The following CNTN5 variants were observed in gnomAD, a reference collection of about 807,000 sequenced individuals.
CNTN5 encodes the protein contactin-5.
A neutral mutation model predicts 129.1 loss-of-function variants in CNTN5; 77 were observed. The ratio of observed to expected loss-of-function variants is 0.60; its 90% CI spans 0.50 to 0.72. The LOEUF (loss-of-function observed/expected upper bound fraction) is 0.72. Among genes scored for constraint, CNTN5 ranks in the 30% least tolerant of loss-of-function variants. CNTN5 has a pLI of 0.00. For synonymous variants in CNTN5, 509 were observed against 465.6 expected, an observed-to-expected ratio of 1.09 and a Z score of -1.20; for missense variants, 1,478 against 1,328.8, an observed-to-expected ratio of 1.11 and a Z score of -1.75.
At chr11:100,266,919 T>C (rs1258669083) in intron 17 of CNTN5, among the ~76,000 whole-genome samples, 1 of 152,142 alleles carries the variant, frequency 6.6e-6, no homozygotes, top group Non-Finnish European at 1.5e-5. Context: ...TCTAGGCACA[T>C]GCAGTGTATC....
intron 2 of CNTN5, among the ~76,000 whole-genome samples, chr11:99,526,260 C>A (rs1947480935): frequency 6.6e-6 from 1 of 152,088 alleles, no homozygotes; most frequent in Admixed American, 6.5e-5. Flanking sequence ...TTAAATGCTT[C>A]AAAATAGAGC....
intron 17 of CNTN5, among the ~76,000 whole-genome samples, chr11:100,257,277 C>G (rs909932348): frequency 2.6e-5 from 4 of 152,290 alleles, no homozygotes; most frequent in African/African-American, 9.6e-5. Context: ...AGAAAGACAA[C>G]AGCCCCAGTC....
intron 3 of CNTN5, among the ~76,000 whole-genome samples, chr11:99,798,896 G>T (rs1201203972): frequency 6.6e-6 from 1 of 152,138 alleles, no homozygotes; most frequent in East Asian, 1.9e-4. Flanking sequence ...CGATTAATGA[G>T]CATGGAATGT....
At chr11:99,468,213 T>C (rs1945020592) in intron 2 of CNTN5, among the ~76,000 whole-genome samples, 1 of 152,186 alleles carries the variant, frequency 6.6e-6, no homozygotes, top group Non-Finnish European at 1.5e-5. Flanking sequence ...TGCACAGCTA[T>C]TAATTCCCTT....
At chr11:99,510,082 A>G (rs905111953) in intron 2 of CNTN5, among the ~76,000 whole-genome samples, 1 of 151,910 alleles carries the variant, frequency 6.6e-6, no homozygotes, top group Non-Finnish European at 1.5e-5. Context: ...CAGATTACTT[A>G]AAACAGTGCT....
chr11:99,495,397 T>G (rs1362457328), intron 2 of CNTN5, among the ~76,000 whole-genome samples: 1 of 152,024 alleles, frequency 6.6e-6, no homozygotes, highest in Admixed American at 6.6e-5. Context: ...AATCATCCCT[T>G]CATATATTGC....
At chr11:99,309,354 T>C (rs1865009720) in intron 1 of CNTN5, among the ~76,000 whole-genome samples, 1 of 152,214 alleles carries the variant, frequency 6.6e-6, no homozygotes, top group Non-Finnish European at 1.5e-5. Context: ...AGAGTCCCAC[T>C]GTTAGCTTTG....
chr11:100,338,405 T>C (rs1952080871), intron 21 of CNTN5, among the ~76,000 whole-genome samples: 1 of 152,182 alleles, frequency 6.6e-6, no homozygotes. Flanking sequence ...TTAGCACCCT[T>C]AGCTGAAAGA....
chr11:99,964,754 C>G lies in CNTN5; in HGVS notation c.877+7745C>G, dbSNP rs186391397. 2.9e-4 allele frequency among the ~76,000 whole-genome samples: 44 copies of G among 152,198 alleles called. No homozygotes were observed. The East Asian group carries it at 6.6e-3, about 23-fold the overall frequency. On this transcript the variant is annotated intron_variant, in intron 8 of 24. Coordinates refer to ENST00000524871, the MANE Select transcript of CNTN5 (RefSeq NM_014361.4). ...GCATGGTACCAGCTCCTTCTTGTAC[C>G]TCTGGTAGAATTCAGCTGTGAATCC...
chr11:99,150,030 T>TA (rs552451639), intron 1 of CNTN5, among the ~76,000 whole-genome samples: 2 of 151,758 alleles, frequency 1.3e-5, no homozygotes, highest in Non-Finnish European at 2.9e-5. Context: ...AATGAACAAA[T>TA]AAAAAAAAGA....
At chr11:100,281,837 T>C (rs1322448629) in intron 18 of CNTN5, among the ~76,000 whole-genome samples, 1 of 152,174 alleles carries the variant, frequency 6.6e-6, no homozygotes, top group Non-Finnish European at 1.5e-5. Flanking sequence ...TTACTAATTC[T>C]TTCTTCTGCT....
chr11:100,085,352 A>ATATATTCC (rs1944508608), intron 13 of CNTN5, among the ~76,000 whole-genome samples: 1 of 152,100 alleles, frequency 6.6e-6, no homozygotes, highest in Admixed American at 6.6e-5. Flanking sequence ...AATCAGCACA[A>ATATATTCC]CAAAACTTCA....
chr11:99,174,437 G>A (rs1486353281), intron 1 of CNTN5, among the ~76,000 whole-genome samples: 4 of 152,178 alleles, frequency 2.6e-5, no homozygotes, highest in African/African-American at 4.8e-5. Context: ...CATGGTACCC[G>A]TGATTTCCAA....
intron 2 of CNTN5, among the ~76,000 whole-genome samples, chr11:99,439,775 T>A: frequency 6.6e-6 from 1 of 150,412 alleles, no homozygotes; most frequent in African/African-American, 2.4e-5. Flanking sequence ...TCTAGATATA[T>A]ATTTATAAGT....
At chr11:100,287,281 G>T (rs376518334) in intron 18 of CNTN5, among the ~76,000 whole-genome samples, 8 of 145,390 alleles carry the variant, frequency 5.5e-5, no homozygotes, top group Admixed American at 2.7e-4. Flanking sequence ...TCCTCGAGAA[G>T]AGCAACTCCA....
At chr11:99,842,007 C>G (rs949131519) in intron 4 of CNTN5, among the ~76,000 whole-genome samples, 2 of 151,818 alleles carry the variant, frequency 1.3e-5, no homozygotes, top group African/African-American at 4.8e-5. Flanking sequence ...CTGCCTCAGC[C>G]TCTGAAGTAG....
intron 3 of CNTN5, among the ~76,000 whole-genome samples, chr11:99,772,577 G>A (rs1944983083): frequency 6.6e-6 from 1 of 152,024 alleles, no homozygotes; most frequent in Admixed American, 6.6e-5. Context: ...AAAGAAAACA[G>A]CCTTGTCTAA....
chr11:99,376,414 T>C (rs1261585952), intron 2 of CNTN5, among the ~76,000 whole-genome samples: 2 of 152,200 alleles, frequency 1.3e-5, no homozygotes, highest in Non-Finnish European at 2.9e-5. Context: ...CTCCTGTCAG[T>C]GACGTGGTAT....
At chr11:100,194,368 G>A (rs1948580546) in intron 15 of CNTN5, among the ~76,000 whole-genome samples, 1 of 151,878 alleles carries the variant, frequency 6.6e-6, no homozygotes, top group Non-Finnish European at 1.5e-5. Flanking sequence ...TGGAACTGGG[G>A]TGGCAGAAAA....
Sources: allele counts gnomAD v4.1 joint callset (sites outside exome capture counted in the v4.1 genomes callset), GRCh38; gene constraint gnomAD v4.1.1; transcripts MANE v1.5; gene names NCBI Gene and HGNC (gene_info 2026-07-23, HGNC 2026-07-21).